Variants in TUBB8B observed in about 807,000 individuals in gnomAD.
TUBB8B encodes tubulin beta 8B, also known as HSA18p11 beta-tubulin 4Q pseudogene.
A neutral mutation model predicts 31.9 loss-of-function variants in TUBB8B; 26 were observed. That is an observed-to-expected ratio of 0.81 (90% CI 0.60 to 1.13). The LOEUF (loss-of-function observed/expected upper bound fraction) is 1.13. TUBB8B is among the 50% of genes most tolerant of loss of function. The probability of loss-of-function intolerance (pLI) is 0.00; values close to 1 mark genes in which losing one functional copy is unlikely to be tolerated. For missense variants in TUBB8B, 467 were observed against 586.7 expected (o/e 0.80, Z 2.11); for synonymous variants, 173 against 231.0 (o/e 0.75, Z 2.28).
chr18:67,716 G>A, the TUBB8B span, among the ~76,000 whole-genome samples: 4 of 152,156 alleles, frequency 2.6e-5, no homozygotes, highest in East Asian at 7.8e-4. Context: ...TTCAGAAGAG[G>A]TATCATACTG....
At chr18:57,883 C>T in the TUBB8B span, among the ~76,000 whole-genome samples, 7 of 151,954 alleles carry the variant, frequency 4.6e-5, 1 homozygote, top group Admixed American at 2.6e-4. Context: ...AGGCCTAACA[C>T]CATATGAAAG....
At chr18:59,377 C>T in the TUBB8B span, among the ~76,000 whole-genome samples, 1 of 151,504 alleles carries the variant, frequency 6.6e-6, no homozygotes, top group African/African-American at 2.4e-5. Context: ...TTTAGTTTTT[C>T]CCCACTTAGT....
chr18:57,364 T>A, the TUBB8B span, among the ~76,000 whole-genome samples: 1 of 151,632 alleles, frequency 6.6e-6, no homozygotes, highest in Non-Finnish European at 1.5e-5. Flanking sequence ...CTAAAAGGAA[T>A]AAATCAGCTA....
At position 47,365 on chromosome 18, in the gene TUBB8B, C is replaced by A. The variant is rs1464055520; in HGVS notation, c.*25G>T. On this transcript the variant is annotated 3_prime_UTR_variant, in exon 4 of 4. Transcript: ENST00000308911. ...ACAGTAAAGAATCCACACTGCTTCC[C>A]CCCTTTACCTAGAAAAGGAGAGTTC... 1.5e-5 allele frequency: 11 copies of A among 720,074 alleles called. No homozygotes were observed. In the Admixed American group the frequency reaches 2.4e-4, roughly 15 times the overall value. The allele number at this position is 720,074 out of a possible 1,614,324, so 44.6% of individuals were successfully genotyped here. A position where few individuals can be genotyped will look rare whatever the true frequency, so the allele number is the denominator to read the frequency against.
the TUBB8B span, among the ~76,000 whole-genome samples, chr18:63,675 A>G: frequency 2.7e-5 from 4 of 146,590 alleles, no homozygotes; most frequent in Admixed American, 6.7e-5. Context: ...CTTAGCCCTA[A>G]CCCTAACCCT....
At chr18:63,579 AACG>A in the TUBB8B span, among the ~76,000 whole-genome samples, 1 of 151,072 alleles carries the variant, frequency 6.6e-6, no homozygotes, top group Admixed American at 6.6e-5. Flanking sequence ...GGCCCACTGT[AACG>A]ACAACTTGGC....
At chr18:72,553 T>C in the TUBB8B span, among the ~76,000 whole-genome samples, 2 of 152,192 alleles carry the variant, frequency 1.3e-5, no homozygotes, top group African/African-American at 4.8e-5. Context: ...TTTGTGTTTT[T>C]TGAGACAAGG....
At chr18:64,900 C>G in the TUBB8B span, among the ~76,000 whole-genome samples, 1 of 152,034 alleles carries the variant, frequency 6.6e-6, no homozygotes, top group Non-Finnish European at 1.5e-5. Context: ...AATAGTAAAC[C>G]AACCCATACC....
chr18:63,416 T>C, the TUBB8B span, among the ~76,000 whole-genome samples: 1 of 151,678 alleles, frequency 6.6e-6, no homozygotes, highest in Non-Finnish European at 1.5e-5. Flanking sequence ...ATTCTAGTTC[T>C]CTTCCCTTTC....
At chr18:54,200 C>G (rs980136014), upstream of TUBB8B, among the ~76,000 whole-genome samples, 2 of 151,920 alleles carry the variant, frequency 1.3e-5, no homozygotes, top group African/African-American at 2.4e-5. Context: ...ATGGGTCACA[C>G]CTGCCTCATT....
the TUBB8B span, chr18:73,343 C>G: frequency 6.0e-6 from 1 of 166,244 alleles, no homozygotes; most frequent in African/African-American, 2.4e-5. Context: ...TGTCCCGGAG[C>G]TGCAGCAGCG....
upstream of TUBB8B, among the ~76,000 whole-genome samples, chr18:53,434 T>A (rs1906186762): frequency 6.6e-6 from 1 of 151,794 alleles, no homozygotes; most frequent in African/African-American, 2.4e-5. Flanking sequence ...CAAAAGAAAT[T>A]TTGTCTGGAA....
At chr18:68,909 C>A in the TUBB8B span, among the ~76,000 whole-genome samples, 1 of 152,180 alleles carries the variant, frequency 6.6e-6, no homozygotes, top group East Asian at 1.9e-4. Flanking sequence ...TTCCCTCAAG[C>A]CATTCACCCA....
the TUBB8B span, among the ~76,000 whole-genome samples, chr18:71,175 G>T: frequency 1.4e-5 from 2 of 146,806 alleles, no homozygotes; most frequent in East Asian, 3.9e-4. Flanking sequence ...AGGCTGCAGT[G>T]AGCCACGATC....
the TUBB8B span, among the ~76,000 whole-genome samples, chr18:55,048 T>C: frequency 6.6e-6 from 1 of 152,012 alleles, no homozygotes; most frequent in East Asian, 1.9e-4. Context: ...ACTCAATATA[T>C]TGTAGTGTAT....
At chr18:62,734 C>T in the TUBB8B span, among the ~76,000 whole-genome samples, 1 of 151,784 alleles carries the variant, frequency 6.6e-6, no homozygotes, top group Non-Finnish European at 1.5e-5. Context: ...AAATGTTTAG[C>T]TCTTATCTCT....
the TUBB8B span, among the ~76,000 whole-genome samples, chr18:64,172 C>T: frequency 6.6e-6 from 1 of 152,086 alleles, no homozygotes; most frequent in Non-Finnish European, 1.5e-5. Flanking sequence ...TTACCCCAAC[C>T]CTAAATCAAA....
chr18:62,124 T>A, the TUBB8B span, among the ~76,000 whole-genome samples: 1 of 151,682 alleles, frequency 6.6e-6, no homozygotes, highest in Non-Finnish European at 1.5e-5. Flanking sequence ...TAAAGTAAAG[T>A]CTTTTTTTTT....
At chr18:49,699 A>G, upstream of TUBB8B, 4 of 701,434 alleles carry the variant, frequency 5.7e-6, no homozygotes, top group Non-Finnish European at 1.1e-5. Flanking sequence ...AATAAGCAAC[A>G]GCTTTACTTC....
Sources: allele counts gnomAD v4.1 joint callset (sites outside exome capture counted in the v4.1 genomes callset), GRCh38; gene constraint gnomAD v4.1.1; transcripts MANE v1.5; gene names NCBI Gene and HGNC (gene_info 2026-07-23, HGNC 2026-07-21).